Variants in RIT2 observed in about 807,000 individuals in gnomAD.
The protein encoded by RIT2 is Ras like without CAAX 2.
In RIT2, 24 loss-of-function variants were observed where a neutral mutation model predicts 23.7. That is an observed-to-expected ratio of 1.01 (90% CI 0.73 to 1.43). The LOEUF is 1.43. Among genes scored for constraint, RIT2 ranks in the 40% most tolerant of loss-of-function variants. RIT2 has a pLI of 0.00. For missense variants in RIT2, 236 were observed against 266.9 expected (o/e 0.88, Z 0.81); for synonymous variants, 107 against 91.1 (o/e 1.17, Z -0.99).
intron 2 of RIT2, among the ~76,000 whole-genome samples, chr18:43,013,921 C>T (rs1160938877): frequency 6.6e-6 from 1 of 151,724 alleles, no homozygotes; most frequent in African/African-American, 2.4e-5. Context: ...ATGCTGCCAT[C>T]GTTGAGTCAT....
At chr18:42,797,912 G>A (rs1036567769) in intron 4 of RIT2, among the ~76,000 whole-genome samples, 1 of 152,024 alleles carries the variant, frequency 6.6e-6, no homozygotes, top group Non-Finnish European at 1.5e-5. Flanking sequence ...ACAAATAAAG[G>A]GAAACATGCC....
intron 1 of RIT2, among the ~76,000 whole-genome samples, chr18:43,065,222 T>A (rs1014729134): frequency 0.015 from 2,065 of 139,058 alleles, 36 homozygotes; most frequent in African/African-American, 0.049. Flanking sequence ...TTTTGGGTTT[T>A]TTTTTTTTTT....
intron 2 of RIT2, among the ~76,000 whole-genome samples, chr18:42,979,298 T>C (rs906496552): frequency 2.0e-5 from 3 of 152,012 alleles, no homozygotes; most frequent in African/African-American, 7.2e-5. Flanking sequence ...CACCAAAATA[T>C]ATAACTAAGA....
chr18:43,016,100 A>T (rs1002913059), intron 2 of RIT2, among the ~76,000 whole-genome samples: 2 of 151,910 alleles, frequency 1.3e-5, no homozygotes, highest in African/African-American at 2.4e-5. Flanking sequence ...GCTTCTAATT[A>T]AAAAAGTGAG....
At chr18:42,837,822 A>C (rs1292774357) in intron 4 of RIT2, among the ~76,000 whole-genome samples, 2 of 152,094 alleles carry the variant, frequency 1.3e-5, no homozygotes. Flanking sequence ...CTTTTAATTG[A>C]TATTAAACCA....
rs151250202 is a variant in RIT2, at chr18:43,113,165, C to T, written c.103+2252G>A. Among the ~76,000 whole-genome samples the T allele has an allele frequency of 3.1e-3, 467 of 152,178 alleles. 4 individuals are homozygous for T. Among genetic ancestry groups the T allele is most frequent in the African/African-American group, 0.011 (440 of 41,520 alleles). ...AGAAGGTTAATATTAAGAATCAGTG[C>T]TTGAATGTTTATATGCTGATGGAAG... On this transcript the variant is annotated intron_variant, in intron 1 of 4. Transcript: ENST00000326695.
chr18:43,032,353 T>C (rs1911875148), intron 2 of RIT2, among the ~76,000 whole-genome samples: 1 of 152,036 alleles, frequency 6.6e-6, no homozygotes, highest in African/African-American at 2.4e-5. Flanking sequence ...GGCTGGTTTT[T>C]GAGACACCAA....
At chr18:42,953,251 TAA>T (rs1327392299) in intron 3 of RIT2, among the ~76,000 whole-genome samples, 5 of 152,198 alleles carry the variant, frequency 3.3e-5, no homozygotes, top group African/African-American at 9.6e-5. Context: ...TGTTTATTTC[TAA>T]GTCATTGTAC....
At chr18:42,858,402 C>T (rs1907242557) in intron 4 of RIT2, among the ~76,000 whole-genome samples, 1 of 152,082 alleles carries the variant, frequency 6.6e-6, no homozygotes, top group African/African-American at 2.4e-5. Context: ...AGAAGCTTCA[C>T]TAGAAGAGGG....
intron 4 of RIT2, among the ~76,000 whole-genome samples, chr18:42,869,452 G>T (rs1388345627): frequency 6.6e-6 from 1 of 152,186 alleles, no homozygotes; most frequent in Admixed American, 6.5e-5. Flanking sequence ...CAGTATTTCA[G>T]TTCTGATTTC....
At chr18:42,842,574 A>G (rs1906796438) in intron 4 of RIT2, among the ~76,000 whole-genome samples, 1 of 152,174 alleles carries the variant, frequency 6.6e-6, no homozygotes, top group South Asian at 2.1e-4. Context: ...CCATAAGCAG[A>G]GCTAAGACTT....
chr18:42,990,408 A>C (rs1910814602), intron 2 of RIT2, among the ~76,000 whole-genome samples: 1 of 152,140 alleles, frequency 6.6e-6, no homozygotes, highest in African/African-American at 2.4e-5. Flanking sequence ...GGCTGACCAA[A>C]TGCCTAGGCA....
intron 2 of RIT2, among the ~76,000 whole-genome samples, chr18:43,025,298 AG>A (rs1911689783): frequency 6.6e-6 from 1 of 151,988 alleles, no homozygotes; most frequent in Non-Finnish European, 1.5e-5. Context: ...TGCAGAGCAA[AG>A]GGAATGCTTA....
intron 3 of RIT2, among the ~76,000 whole-genome samples, chr18:42,933,008 T>C (rs1447484259): frequency 3.3e-5 from 5 of 152,210 alleles, no homozygotes; most frequent in Non-Finnish European, 7.3e-5. Context: ...ACTAAGCAAA[T>C]GTTAAACATT....
intron 2 of RIT2, among the ~76,000 whole-genome samples, chr18:43,025,830 A>T (rs1270918462): frequency 6.6e-6 from 1 of 152,024 alleles, no homozygotes; most frequent in Non-Finnish European, 1.5e-5. Context: ...AGACTCCAAA[A>T]GGTGGGATGG....
At chr18:42,760,876 T>A (rs1913284539) in intron 4 of RIT2, among the ~76,000 whole-genome samples, 1 of 152,210 alleles carries the variant, frequency 6.6e-6, no homozygotes, top group African/African-American at 2.4e-5. Context: ...GATTCTTGTT[T>A]TAATGACCAC....
chr18:42,977,935 C>T (rs1252175340), intron 2 of RIT2, among the ~76,000 whole-genome samples: 3 of 151,052 alleles, frequency 2.0e-5, no homozygotes, highest in African/African-American at 7.3e-5. Flanking sequence ...ACTGATATTC[C>T]TCTCCCAAAA....
chr18:42,757,366 G>A (rs960450847), intron 4 of RIT2, among the ~76,000 whole-genome samples: 1 of 152,118 alleles, frequency 6.6e-6, no homozygotes, highest in Non-Finnish European at 1.5e-5. Context: ...GGAATCTAGG[G>A]ACCAGAGTAG....
chr18:42,921,643 G>C (rs1280618300), intron 4 of RIT2, among the ~76,000 whole-genome samples: 2 of 152,126 alleles, frequency 1.3e-5, no homozygotes, highest in Non-Finnish European at 2.9e-5. Flanking sequence ...AGAAAGTTTA[G>C]TTGATTTTTG....
Sources: gnomAD v4.1 joint callset for allele counts (sites outside exome capture counted in the v4.1 genomes callset) on GRCh38, gnomAD v4.1.1 for gene constraint, MANE v1.5 for transcripts, NCBI Gene and HGNC (gene_info 2026-07-23, HGNC 2026-07-21) for gene names.